Variants in GCM1 observed in about 807,000 individuals in gnomAD.
GCM1 encodes chorion-specific transcription factor GCMa.
A neutral mutation model predicts 25.7 loss-of-function variants in GCM1; 2 were observed. The observed-to-expected ratio is 0.08, with a 90% CI of 0.03 to 0.24. The LOEUF (loss-of-function observed/expected upper bound fraction) is 0.24, where lower values mean the gene tolerates loss of function less well. GCM1 is among the 10% of genes least tolerant of loss of function. GCM1 has a pLI of 1.00. For missense variants in GCM1, 395 were observed against 538.7 expected (o/e 0.73, Z 2.64); for synonymous variants, 183 against 195.7 (o/e 0.94, Z 0.54).
At chr6:53,139,313 A>C (rs1763841766) in intron 2 of GCM1, among the ~76,000 whole-genome samples, 1 of 152,092 alleles carries the variant, frequency 6.6e-6, no homozygotes, top group Admixed American at 6.6e-5. Context: ...TAAAACTCCA[A>C]GTGTTACCAA....
Position 53,132,100 on chromosome 6 carries a change from A to G in GCM1, c.348T>C (p.Cys116=). ...QKQQRKRCPN[C]DGPLKLIPCR... ...AAGGGATGAGCTTCAGAGGCCCGTCACAGTTGGGACAGCGTTTCCCTACAA... is the reference window on the plus strand; with the variant it reads ...AAGGGATGAGCTTCAGAGGCCCGTCGCAGTTGGGACAGCGTTTCCCTACAA... Residue 116 remains cysteine, a synonymous_variant, in exon 4 of 6, where the codon TGT becomes TGC. Transcript: ENST00000259803. 6.2e-7 allele frequency: 1 copy of G among 1,610,558 alleles called. No homozygotes were observed. The highest frequency in any genetic ancestry group is 1.1e-5 in the South Asian group (1 of 90,998).
chr6:53,146,226 T>A (rs1280810313), intron 1 of GCM1, among the ~76,000 whole-genome samples: 68 of 87,600 alleles, frequency 7.8e-4, no homozygotes, highest in East Asian at 3.2e-3. Flanking sequence ...ATTTTTTTTT[T>A]TTTTTTTTTT....
At chr6:53,146,028 A>C (rs1763949681) in intron 1 of GCM1, among the ~76,000 whole-genome samples, 2 of 151,956 alleles carry the variant, frequency 1.3e-5, no homozygotes, top group Non-Finnish European at 2.9e-5. Context: ...CTTAGCAGAG[A>C]CAGTTGTCAT....
At chr6:53,142,048 GAA>G (rs1456834780) in intron 2 of GCM1, among the ~76,000 whole-genome samples, 1 of 68,476 alleles carries the variant, frequency 1.5e-5, no homozygotes, top group Non-Finnish European at 3.0e-5. Flanking sequence ...AAAACAGAAA[GAA>G]AAAGAAAGAA....
chr6:53,137,123 G>C (rs1373988105), intron 2 of GCM1, among the ~76,000 whole-genome samples: 2 of 152,222 alleles, frequency 1.3e-5, no homozygotes, highest in Non-Finnish European at 2.9e-5. Context: ...TTTGGGAAGG[G>C]GGAAGGGTAT....
At chr6:53,148,396 A>G (rs1423387094) in intron 1 of GCM1, among the ~76,000 whole-genome samples, 3 of 152,254 alleles carry the variant, frequency 2.0e-5, no homozygotes, top group Non-Finnish European at 2.9e-5. Context: ...TAAGGGAAGA[A>G]TAATAAAGAA....
At position 53,127,463 on chromosome 6, in the gene GCM1, A is replaced by AG. The variant is rs1195604768; in HGVS notation, c.*742_*743insC. On this transcript the variant is annotated 3_prime_UTR_variant, in exon 6 of 6. Coordinates refer to ENST00000259803, the MANE Select transcript of GCM1 (RefSeq NM_003643.4). Reference sequence around the variant, plus strand: ...TCACACCTTAGGCAGTTCTTCCACCATCTATTTCTGTTTCTTCATTCTCAG... The same window carrying AG: ...TCACACCTTAGGCAGTTCTTCCACCAGTCTATTTCTGTTTCTTCATTCTCAG... 28 of 152,336 alleles carry AG rather than the reference A, an allele frequency of 1.8e-4. No individual in the cohort carries two copies. Among genetic ancestry groups the AG allele is most frequent in the African/African-American group, 6.7e-4 (28 of 41,570 alleles). 9.4% of individuals were successfully genotyped at this position (152,336 alleles called of 1,614,324 possible).
At chr6:53,142,870 C>CAAA (rs60718730) in intron 2 of GCM1, among the ~76,000 whole-genome samples, 1,053 of 37,448 alleles carry the variant, frequency 0.028, 108 homozygotes, top group Non-Finnish European at 0.041. Context: ...CAAGGATCTC[C>CAAA]AAAAAAAAAA....
chr6:53,131,528 C>A (rs1042435935), intron 4 of GCM1, among the ~76,000 whole-genome samples: 2 of 152,136 alleles, frequency 1.3e-5, no homozygotes, highest in Non-Finnish European at 2.9e-5. Context: ...GCTGGTTTAC[C>A]AGCATCCCAC....
At position 53,132,123 on chromosome 6, in the gene GCM1, C is replaced by A. The variant is rs761017453; in HGVS notation, c.329-4G>T. ...TCACAGTTGGGACAGCGTTTCCCTACAAAAGAGCAGAGGAAAATGACCACA... is the reference window on the plus strand; with the variant it reads ...TCACAGTTGGGACAGCGTTTCCCTAAAAAAGAGCAGAGGAAAATGACCACA... On this transcript the variant is annotated splice_polypyrimidine_tract_variant and splice_region_variant and intron_variant, in intron 3 of 5. Coordinates refer to ENST00000259803, the MANE Select transcript of GCM1 (RefSeq NM_003643.4). 4 of 1,586,624 alleles carry A rather than the reference C, an allele frequency of 2.5e-6. No individual in the cohort carries two copies. Among genetic ancestry groups the A allele is most frequent in the Non-Finnish European group, 2.6e-6 (3 of 1,154,994 alleles).
chr6:53,144,945 GAAAGA>G (rs1233375666), intron 2 of GCM1, among the ~76,000 whole-genome samples: 4 of 94,776 alleles, frequency 4.2e-5, no homozygotes, highest in South Asian at 3.2e-4. Flanking sequence ...AGAGGAAGAA[GAAAGA>G]AAAGAAAAGA....
At position 53,128,861 on chromosome 6, in the gene GCM1, C is replaced by G. The variant is rs780980247; in HGVS notation, c.656G>C (p.Ser219Thr). Reference protein sequence around the residue: ...QEGVQLPGSYSGHLIANTPQQ... With the variant: ...QEGVQLPGSYTGHLIANTPQQ... ...AGGAGTGTTAGCTATTAAATGTCCA[C>G]TGTAACTACCAGGCAATTGGACGCC... Residue 219 changes from serine (S) to threonine (T), a missense_variant, in exon 6 of 6, where the codon AGT becomes ACT. Transcript: ENST00000259803. 7 of 1,611,554 alleles carry G rather than the reference C, an allele frequency of 4.3e-6. No individual in the cohort carries two copies. Among genetic ancestry groups the G allele is most frequent in the Non-Finnish European group, 5.1e-6 (6 of 1,177,782 alleles).
At chr6:53,144,438 AG>A (rs1252150051) in intron 2 of GCM1, among the ~76,000 whole-genome samples, 2 of 151,078 alleles carry the variant, frequency 1.3e-5, no homozygotes, top group African/African-American at 4.9e-5. Context: ...AAAAAAAAAA[AG>A]TCAGTTGCCA....
intron 5 of GCM1, among the ~76,000 whole-genome samples, chr6:53,129,302 G>A (rs139328289): frequency 0.025 from 3,628 of 144,278 alleles, 60 homozygotes; most frequent in Middle Eastern, 0.093. Context: ...ATGGAGTCTC[G>A]CTCTGTTGCC....
intron 3 of GCM1, among the ~76,000 whole-genome samples, chr6:53,133,263 C>T (rs916658210): frequency 5.9e-5 from 9 of 151,524 alleles, no homozygotes; most frequent in African/African-American, 1.7e-4. Flanking sequence ...CTTCTGGGTT[C>T]GAGTGATTCT....
intron 2 of GCM1, among the ~76,000 whole-genome samples, chr6:53,137,507 G>T (rs1215600356): frequency 2.0e-5 from 3 of 152,106 alleles, no homozygotes; most frequent in Non-Finnish European, 2.9e-5. Flanking sequence ...TCTACTTTTG[G>T]CCAGGAATAG....
chr6:53,141,409 C>T (rs1204593171), intron 2 of GCM1, among the ~76,000 whole-genome samples: 8 of 152,126 alleles, frequency 5.3e-5, no homozygotes, highest in South Asian at 4.1e-4. Flanking sequence ...CTTGAAGGGC[C>T]GGGTGCGGTG....
At chr6:53,137,660 T>G (rs545966838) in intron 2 of GCM1, among the ~76,000 whole-genome samples, 1 of 152,142 alleles carries the variant, frequency 6.6e-6, no homozygotes, top group Admixed American at 6.6e-5. Context: ...TGAGTGTACT[T>G]TCCTCTAATA....
At chr6:53,146,732 T>C (rs1015447310) in intron 1 of GCM1, among the ~76,000 whole-genome samples, 1 of 152,202 alleles carries the variant, frequency 6.6e-6, no homozygotes, top group Non-Finnish European at 1.5e-5. Context: ...TGTAGACTGT[T>C]TGGCAGCATC....
Sources: allele counts gnomAD v4.1 joint callset (sites outside exome capture counted in the v4.1 genomes callset), GRCh38; gene constraint gnomAD v4.1.1; transcripts MANE v1.5; gene names NCBI Gene and HGNC (gene_info 2026-07-23, HGNC 2026-07-21).